Variants in ARSB observed in about 807,000 individuals in gnomAD.
ARSB encodes arylsulfatase B.
A neutral mutation model predicts 50.9 loss-of-function variants in ARSB; 41 were observed. The observed-to-expected ratio is 0.81, with a 90% CI of 0.63 to 1.04. ARSB has a LOEUF of 1.04. ARSB is among the 50% of genes least tolerant of loss of function. The probability of loss-of-function intolerance (pLI) is 0.00; values close to 1 mark genes in which losing one functional copy is unlikely to be tolerated. For synonymous variants in ARSB, 269 were observed against 284.8 expected, an observed-to-expected ratio of 0.94 and a Z score of 0.56; for missense variants, 672 against 693.3, an observed-to-expected ratio of 0.97 and a Z score of 0.35.
chr5:78,899,927 G>C (rs552870055), intron 4 of ARSB, among the ~76,000 whole-genome samples: 1 of 152,134 alleles, frequency 6.6e-6, no homozygotes, highest in East Asian at 1.9e-4. Flanking sequence ...ATTGATTCTA[G>C]TTTTCTCTGT....
intron 6 of ARSB, among the ~76,000 whole-genome samples, chr5:78,819,658 C>T (rs945174205): frequency 4.6e-5 from 7 of 152,226 alleles, no homozygotes; most frequent in African/African-American, 1.7e-4. Flanking sequence ...GGAGGGTCTC[C>T]AGGGCTGGGA....
chr5:78,931,561 GA>G (rs1207828431), intron 4 of ARSB, among the ~76,000 whole-genome samples: 1 of 151,992 alleles, frequency 6.6e-6, no homozygotes, highest in African/African-American at 2.4e-5. Context: ...GAGAACTTGA[GA>G]AAGATAAAAA....
chr5:78,936,136 T>C lies in ARSB; in HGVS notation c.898+19159A>G, dbSNP rs566434535. 1.2e-4 allele frequency among the ~76,000 whole-genome samples: 17 copies of C among 138,268 alleles called. No homozygotes were observed. In the Middle Eastern group the frequency reaches 0.011, roughly 87 times the overall value. The allele number at this position is 138,268 out of a possible 152,430, so 90.7% of individuals were successfully genotyped here. A position where few individuals can be genotyped will look rare whatever the true frequency, so the allele number is the denominator to read the frequency against. ...CCCTTCCTCTCTCTCTCTCTTTTTT[T>C]TTTTTTTTGGTGGATTCTCACTCTA... On this transcript the variant is annotated intron_variant, in intron 4 of 7. Transcript: ENST00000264914.
intron 5 of ARSB, among the ~76,000 whole-genome samples, chr5:78,875,858 G>A (rs1448983108): frequency 6.6e-6 from 1 of 151,890 alleles, no homozygotes; most frequent in Non-Finnish European, 1.5e-5. Flanking sequence ...GGTAGAGGCA[G>A]GGTTTCACCA....
chr5:78,983,821 AC>A (rs1358484189), intron 1 of ARSB, among the ~76,000 whole-genome samples: 1 of 152,182 alleles, frequency 6.6e-6, no homozygotes, highest in African/African-American at 2.4e-5. Flanking sequence ...GGTTGATCTG[AC>A]AGGTTATGCG....
Position 78,955,514 on chromosome 5 carries a change from GT to G in ARSB, c.691-13del, listed in dbSNP as rs770611280. On this transcript the variant is annotated splice_polypyrimidine_tract_variant and intron_variant, in intron 3 of 7. Transcript: ENST00000264914. ...TAGAGAAACAGAGGCTGGAAAGAAA[GT>G]TTGTGCAAACCAGTTAAGAGGATAT... 2.5e-6 allele frequency: 4 copies of G among 1,611,706 alleles called. 1 individual carries two copies. The South Asian group carries it at 4.4e-5, about 18-fold the overall frequency.
At chr5:78,880,978 T>C (rs1747718442) in intron 5 of ARSB, among the ~76,000 whole-genome samples, 1 of 152,186 alleles carries the variant, frequency 6.6e-6, no homozygotes, top group Non-Finnish European at 1.5e-5. Flanking sequence ...ACACCTGTAA[T>C]TCCAGCGCTT....
intron 5 of ARSB, among the ~76,000 whole-genome samples, chr5:78,871,401 C>T (rs1291363628): frequency 6.6e-6 from 1 of 151,254 alleles, no homozygotes; most frequent in East Asian, 1.9e-4. Context: ...CATCACACTA[C>T]CTGACTTCAA....
intron 6 of ARSB, among the ~76,000 whole-genome samples, chr5:78,827,303 G>C (rs748110531): frequency 5.0e-4 from 76 of 152,140 alleles, no homozygotes; most frequent in Non-Finnish European, 9.7e-4. Context: ...CTGCCTCCCC[G>C]GTTCAAGCAA....
intron 4 of ARSB, among the ~76,000 whole-genome samples, chr5:78,887,320 A>G (rs1162619534): frequency 1.3e-5 from 2 of 152,150 alleles, no homozygotes; most frequent in Non-Finnish European, 2.9e-5. Context: ...GCCTCACTTT[A>G]TAACAACCCA....
At chr5:78,930,572 T>C (rs1248756906) in intron 4 of ARSB, among the ~76,000 whole-genome samples, 3 of 152,092 alleles carry the variant, frequency 2.0e-5, no homozygotes, top group Non-Finnish European at 4.4e-5. Context: ...TGTAAACCAC[T>C]GGAAAGGAAT....
intron 1 of ARSB, among the ~76,000 whole-genome samples, chr5:78,970,366 A>T (rs185701873): frequency 1.3e-5 from 2 of 152,366 alleles, no homozygotes; most frequent in African/African-American, 4.8e-5. Flanking sequence ...TTTGAAAAAT[A>T]GAGCTTTTTT....
chr5:78,917,479 C>G (rs1749610397), intron 4 of ARSB, among the ~76,000 whole-genome samples: 1 of 151,926 alleles, frequency 6.6e-6, no homozygotes, highest in Admixed American at 6.5e-5. Flanking sequence ...AATTAAATCA[C>G]TGGTTTTTTA....
chr5:78,876,371 C>T lies in ARSB; in HGVS notation c.1142+9213G>A, dbSNP rs893166719. ...ACAATAAATTTTTCTTTGGATACTT[C>T]TGCTTCCAGCCAAATTAGATTTACT... On this transcript the variant is annotated intron_variant, in intron 5 of 7. Coordinates refer to ENST00000264914, the MANE Select transcript of ARSB (RefSeq NM_000046.5). Among the ~76,000 whole-genome samples, 3 of 152,336 alleles carry T rather than the reference C, an allele frequency of 2.0e-5. No homozygotes were observed. The South Asian group carries it at 6.2e-4, about 32-fold the overall frequency.
intron 5 of ARSB, among the ~76,000 whole-genome samples, chr5:78,846,030 C>A (rs562990848): frequency 8.5e-5 from 13 of 152,102 alleles, no homozygotes; most frequent in Non-Finnish European, 1.6e-4. Flanking sequence ...ATATTTAAGT[C>A]ATTAACCCAT....
chr5:78,972,201 A>G (rs1752479196), intron 1 of ARSB, among the ~76,000 whole-genome samples: 1 of 152,160 alleles, frequency 6.6e-6, no homozygotes, highest in Non-Finnish European at 1.5e-5. Flanking sequence ...GCCTGGCTAC[A>G]TGAGTCTCTC....
chr5:78,785,402 T>C (rs2112623863), intron 6 of ARSB, among the ~76,000 whole-genome samples: 1 of 152,344 alleles, frequency 6.6e-6, no homozygotes, highest in South Asian at 2.1e-4. Context: ...AAATCTTTTA[T>C]ATCTTTATGG....
Position 78,966,938 on chromosome 5 carries a change from A to C in ARSB, c.499+2068T>G, listed in dbSNP as rs918161390. 9.9e-5 allele frequency among the ~76,000 whole-genome samples: 15 copies of C among 151,926 alleles called. No individual in the cohort carries two copies. In the East Asian group the frequency reaches 1.5e-3, roughly 16 times the overall value. Reference sequence around the variant, plus strand: ...ATCCGGGTCCATTTAAAAAAAAAAAAAAAAAAGCTAAGATTGAGTAGTGAG... The same window carrying C: ...ATCCGGGTCCATTTAAAAAAAAAAACAAAAAAGCTAAGATTGAGTAGTGAG... On this transcript the variant is annotated intron_variant, in intron 2 of 7. Coordinates refer to ENST00000264914, the MANE Select transcript of ARSB (RefSeq NM_000046.5).
At chr5:78,816,016 T>C (rs1468641814) in intron 6 of ARSB, 2 of 1,535,750 alleles carry the variant, frequency 1.3e-6, no homozygotes, top group Non-Finnish European at 1.8e-6. Flanking sequence ...GAGGGGCCCT[T>C]TCAGAACCTT....
Sources: allele counts gnomAD v4.1 joint callset (sites outside exome capture counted in the v4.1 genomes callset), GRCh38; gene constraint gnomAD v4.1.1; transcripts MANE v1.5; gene names NCBI Gene and HGNC (gene_info 2026-07-23, HGNC 2026-07-21).